The following MAP3K3 variants were observed in gnomAD, a reference collection of about 807,000 sequenced individuals.
MAP3K3 encodes MAP/ERK kinase kinase 3.
In MAP3K3, 12 loss-of-function variants were observed where a neutral mutation model predicts 80.9. The ratio of observed to expected loss-of-function variants is 0.15; its 90% CI spans 0.10 to 0.24. The LOEUF is 0.24. Ranked by LOEUF, MAP3K3 falls within the 10% of genes least tolerant of loss-of-function variation. The pLI is 1.00. For synonymous variants in MAP3K3, 272 were observed against 307.1 expected (o/e 0.89, Z 1.19); for missense variants, 596 against 834.7 (o/e 0.71, Z 3.52).
At chr17:63,681,997 A>C in intron 7 of MAP3K3, 98 bp downstream of exon 7, 1 of 1,115,522 alleles carries the variant, frequency 9.0e-7, no homozygotes. Context: ...ACTGAGGGAC[A>C]TGAACCCCAT....
chr17:63,686,003 A>G (rs1386565560), intron 8 of MAP3K3, among the ~76,000 whole-genome samples: 1 of 152,192 alleles, frequency 6.6e-6, no homozygotes, highest in Non-Finnish European at 1.5e-5. Context: ...TAAGAAACTG[A>G]AACCCAAAAA....
intron 7 of MAP3K3, among the ~76,000 whole-genome samples, chr17:63,683,181 A>T (rs1049371205): frequency 2.6e-5 from 4 of 152,242 alleles, no homozygotes; most frequent in African/African-American, 9.6e-5. Flanking sequence ...TCTTATAAAA[A>T]GCTGATTCTT....
chr17:63,634,628 T>G (rs2034283666), intron 2 of MAP3K3: 1 of 1,149,264 alleles, frequency 8.7e-7, no homozygotes, highest in African/African-American at 1.5e-5. Flanking sequence ...GATCTTTGGA[T>G]CCATGATTTA....
rs755494718 is a variant in MAP3K3, at chr17:63,691,004, G to C, written c.1213-98G>C. The C allele has an allele frequency of 6.8e-6, 10 of 1,461,148 alleles. No homozygotes were observed. Among genetic ancestry groups the C allele is most frequent in the Non-Finnish European group, 7.5e-6 (8 of 1,060,818 alleles). The allele number at this position is 1,461,148 out of a possible 1,614,324, so 90.5% of individuals were successfully genotyped here. Reference sequence around the variant, plus strand: ...TTCTCCAACTGCAGTTCCCAAGGCAGATCCCTGTGAGGCCACTAACTAGGG... The same window carrying C: ...TTCTCCAACTGCAGTTCCCAAGGCACATCCCTGTGAGGCCACTAACTAGGG... On this transcript the variant is annotated intron_variant, in intron 12 of 15. Coordinates refer to ENST00000361733, the MANE Select transcript of MAP3K3 (RefSeq NM_002401.5). The surrounding 1 kb of genome is among the most constrained non-coding windows in gnomAD (Gnocchi z 4.8).
intron 1 of MAP3K3, among the ~76,000 whole-genome samples, chr17:63,626,460 G>T (rs1054789697): frequency 2.0e-5 from 3 of 152,088 alleles, no homozygotes; most frequent in African/African-American, 7.2e-5. Flanking sequence ...ATGTAGTGGT[G>T]ATATATATTG....
chr17:63,651,912 A>G (rs915628882), intron 3 of MAP3K3, among the ~76,000 whole-genome samples: 5 of 152,224 alleles, frequency 3.3e-5, no homozygotes, highest in African/African-American at 1.2e-4. Flanking sequence ...TCAAAGATGA[A>G]CGATGGAAAA....
At chr17:63,646,096 T>C (rs763892428) in intron 3 of MAP3K3, 22 bp downstream of exon 3, 57 of 1,611,938 alleles carry the variant, frequency 3.5e-5, no homozygotes, top group Admixed American at 3.3e-5. Flanking sequence ...TTCTGATGAG[T>C]AGCTGTGTTC....
In MAP3K3 at chr17:63,625,519, A is replaced by G. The variant is rs2034082710; in HGVS notation, c.4+2756A>G. Among the ~76,000 whole-genome samples the G allele has an allele frequency of 2.6e-5, 4 of 152,348 alleles. No individual in the cohort carries two copies. In the South Asian group the frequency reaches 6.2e-4, roughly 24 times the overall value. ...TACAGGAAACTATAGTGAATGGAGT[A>G]CAGGATTACAGATGATCTGGTTCTG... On this transcript the variant is annotated intron_variant, in intron 1 of 15. Coordinates refer to ENST00000361733, the MANE Select transcript of MAP3K3 (RefSeq NM_002401.5).
At chr17:63,685,367 T>G (rs2035426479) in intron 7 of MAP3K3, 150 bp from the exon 8 acceptor site, 1 of 680,226 alleles carries the variant, frequency 1.5e-6, no homozygotes, top group Admixed American at 2.2e-5. Context: ...GATGGTACCT[T>G]TCTAACTATT....
At chr17:63,625,991 T>A (rs1382379070) in intron 1 of MAP3K3, among the ~76,000 whole-genome samples, 1 of 152,176 alleles carries the variant, frequency 6.6e-6, no homozygotes, top group Non-Finnish European at 1.5e-5. Flanking sequence ...GAAGATCATC[T>A]GAGCCTGGGA....
chr17:63,638,842 C>A (rs1403853550), intron 2 of MAP3K3, among the ~76,000 whole-genome samples: 1 of 152,094 alleles, frequency 6.6e-6, no homozygotes, highest in Non-Finnish European at 1.5e-5. Flanking sequence ...GCCTGGCCAA[C>A]GTGGTGAAAC....
chr17:63,629,048 G>T (rs9892836), intron 1 of MAP3K3, among the ~76,000 whole-genome samples: 5,220 of 152,070 alleles, frequency 0.034, 317 homozygotes, highest in African/African-American at 0.12. Context: ...TAAATGATTT[G>T]CTCAGGGCCT....
chr17:63,657,705 A>ATTTTTTTT, intron 4 of MAP3K3, 89 bp from the exon 5 acceptor site: 1 of 580,484 alleles, frequency 1.7e-6, no homozygotes, highest in Non-Finnish European at 3.1e-6. Flanking sequence ...ATGTATTTTT[A>ATTTTTTTT]TTTTTTGTTT....
chr17:63,625,521 A>G (rs987799148), intron 1 of MAP3K3, among the ~76,000 whole-genome samples: 2 of 152,226 alleles, frequency 1.3e-5, no homozygotes, highest in African/African-American at 4.8e-5. Flanking sequence ...AATGGAGTAC[A>G]GGATTACAGA....
In MAP3K3 at chr17:63,661,167, C is replaced by T. The variant is rs911040116; in HGVS notation, c.381+3260C>T. ...ATTCAAGTGATTCTCCTGCCTCAGC[C>T]TCCTGAGTAGCTGGGATTACAGGTG... On this transcript the variant is annotated intron_variant, in intron 5 of 15. Transcript: ENST00000361733. Among the ~76,000 whole-genome samples, 10 of 152,332 alleles carry T rather than the reference C, an allele frequency of 6.6e-5. No individual in the cohort carries two copies. In the East Asian group the frequency reaches 1.9e-3, roughly 29 times the overall value.
chr17:63,654,492 T>G (rs908011624), intron 4 of MAP3K3, among the ~76,000 whole-genome samples: 3 of 152,132 alleles, frequency 2.0e-5, no homozygotes, highest in Non-Finnish European at 4.4e-5. Context: ...GTTGTTTTCA[T>G]TTTTTGGTGA....
At chr17:63,658,465 C>T (rs1178614247) in intron 5 of MAP3K3, among the ~76,000 whole-genome samples, 1 of 152,190 alleles carries the variant, frequency 6.6e-6, no homozygotes, top group African/African-American at 2.4e-5. Flanking sequence ...GGAATTATCC[C>T]TTATGCACAG....
In MAP3K3 at chr17:63,695,553, C is replaced by T. The variant is rs1001936756; in HGVS notation, c.*1776C>T. The T allele has an allele frequency of 6.5e-6, 1 of 152,854 alleles. No homozygotes were observed. Among genetic ancestry groups the T allele is most frequent in the Admixed American group, 6.5e-5 (1 of 15,290 alleles). The allele number at this position is 152,854 out of a possible 1,614,324, so 9.5% of individuals were successfully genotyped here. On this transcript the variant is annotated 3_prime_UTR_variant, in exon 16 of 16. Coordinates refer to ENST00000361733, the MANE Select transcript of MAP3K3 (RefSeq NM_002401.5). The surrounding 1 kb of genome is among the most constrained non-coding windows in gnomAD (Gnocchi z 4.1). ...GCTCCTGCTTCCACCTCGGCCCTTG[C>T]CCAGGGTGGGGCCTGGCCCTCATCT...
In MAP3K3 at chr17:63,657,765, A is replaced by T. The variant is rs767526575; in HGVS notation, c.268-29A>T. On this transcript the variant is annotated intron_variant, in intron 4 of 15. Coordinates refer to ENST00000361733, the MANE Select transcript of MAP3K3 (RefSeq NM_002401.5). The stretch of plus-strand genomic sequence containing the variant: ...TTGAGATAAACTTCTGTTTTATATT[A>T]TTTTCCTTTTCTATGTCTTGTATCA... 8 of 967,184 alleles carry T rather than the reference A, an allele frequency of 8.3e-6. No homozygotes were observed. In the South Asian group the frequency reaches 1.0e-4, roughly 12 times the overall value. 59.9% of individuals were successfully genotyped at this position (967,184 alleles called of 1,614,324 possible). A position where few individuals can be genotyped will look rare whatever the true frequency, so the allele number is the denominator to read the frequency against.
Sources: gnomAD v4.1 joint callset for allele counts (sites outside exome capture counted in the v4.1 genomes callset) on GRCh38, gnomAD v4.1.1 for gene constraint, Gnocchi (gnomAD v3.1) non-coding constraint, MANE v1.5 for transcripts, NCBI Gene and HGNC (gene_info 2026-07-23, HGNC 2026-07-21) for gene names.